SYNPR: variants seen among roughly 807,000 people sequenced by gnomAD.
SYNPR encodes the protein synaptoporin.
A neutral mutation model predicts 32.9 loss-of-function variants in SYNPR; 23 were observed. The ratio of observed to expected loss-of-function variants is 0.70; its 90% CI spans 0.50 to 0.99. The LOEUF (loss-of-function observed/expected upper bound fraction) is 0.99, where lower values mean the gene tolerates loss of function less well. Among genes scored for constraint, SYNPR ranks in the 50% least tolerant of loss-of-function variants. The pLI is 0.00. For missense variants in SYNPR, 318 were observed against 349.3 expected, an observed-to-expected ratio of 0.91 and a Z score of 0.71; for synonymous variants, 146 against 135.9, an observed-to-expected ratio of 1.07 and a Z score of -0.52.
At chr3:63,432,997 A>G (rs1297786256) in intron 2 of SYNPR, among the ~76,000 whole-genome samples, 2 of 152,334 alleles carry the variant, frequency 1.3e-5, no homozygotes, top group South Asian at 2.1e-4. Flanking sequence ...CTGATAATCC[A>G]CGTTCTTTTA....
At chr3:63,470,104 C>T (rs932640486) in intron 2 of SYNPR, among the ~76,000 whole-genome samples, 8 of 152,202 alleles carry the variant, frequency 5.3e-5, no homozygotes, top group Admixed American at 4.6e-4. Flanking sequence ...CTGACTCTAA[C>T]TTCTACTCCT....
intron 3 of SYNPR, among the ~76,000 whole-genome samples, chr3:63,484,747 C>T (rs1701113064): frequency 6.6e-6 from 1 of 152,120 alleles, no homozygotes; most frequent in South Asian, 2.1e-4. Context: ...GTTGACATCA[C>T]ACAGAAATTA....
At chr3:63,371,378 T>G (rs2087810524) in intron 2 of SYNPR, among the ~76,000 whole-genome samples, 1 of 151,694 alleles carries the variant, frequency 6.6e-6, no homozygotes, top group African/African-American at 2.4e-5. Flanking sequence ...GTGGGGGAGG[T>G]CAGGCTCCCT....
rs144543339 is a variant in SYNPR, at chr3:63,496,903, G to A, written c.209+15947G>A. ...AGTATGGTACCAGGCACTATGCTTG[G>A]CAATGAAGGGAATTTAAAAATGAAA... On this transcript the variant is annotated intron_variant, in intron 3 of 5. Transcript: ENST00000478300. 9.2e-5 allele frequency among the ~76,000 whole-genome samples: 14 copies of A among 152,156 alleles called. No homozygotes were observed. In the East Asian group the frequency reaches 2.5e-3, roughly 27 times the overall value.
chr3:63,259,829 C>T lies in SYNPR; in HGVS notation n.154+7243C>T, dbSNP rs193290102. Among the ~76,000 whole-genome samples, 594 of 152,262 alleles carry T rather than the reference C, an allele frequency of 3.9e-3. 3 individuals carry two copies. The highest frequency in any genetic ancestry group is 6.7e-3 in the Non-Finnish European group (459 of 68,014). On this transcript the variant is annotated intron_variant and non_coding_transcript_variant, in intron 2 of 4. Coordinates refer to the SYNPR transcript ENST00000478456. ...TGATTGTATATCTAGAAAACCCCAT[C>T]GTCTCAGCCCAGAATCTCCTTAAGG...
intron 1 of SYNPR, among the ~76,000 whole-genome samples, chr3:63,233,769 T>G (rs1560163881): frequency 6.6e-6 from 1 of 152,202 alleles, no homozygotes; most frequent in Non-Finnish European, 1.5e-5. Context: ...TAAGCCACTT[T>G]CCTCAAGTCA....
chr3:63,489,946 CG>C (rs1701228963), intron 3 of SYNPR, among the ~76,000 whole-genome samples: 1 of 152,014 alleles, frequency 6.6e-6, no homozygotes. Flanking sequence ...CTAAGTGGAG[CG>C]GGGAGTGACA....
intron 2 of SYNPR, among the ~76,000 whole-genome samples, chr3:63,470,920 C>T (rs923620163): frequency 2.0e-5 from 3 of 152,192 alleles, no homozygotes; most frequent in African/African-American, 4.8e-5. Context: ...TTGTTTAAGG[C>T]CCCGTAGGTC....
intron 2 of SYNPR, among the ~76,000 whole-genome samples, chr3:63,361,015 G>C (rs952488236): frequency 1.3e-5 from 2 of 152,146 alleles, no homozygotes; most frequent in African/African-American, 4.8e-5. Flanking sequence ...ATGGACAATC[G>C]ATAAATATCG....
At chr3:63,516,326 C>T (rs543465146) in intron 3 of SYNPR, among the ~76,000 whole-genome samples, 15 of 152,126 alleles carry the variant, frequency 9.9e-5, no homozygotes, top group South Asian at 6.2e-4. Context: ...TTTGGAAATG[C>T]CAAAGTTGGA....
intron 2 of SYNPR, among the ~76,000 whole-genome samples, chr3:63,388,991 T>C (rs2088094590): frequency 6.6e-6 from 1 of 152,180 alleles, no homozygotes; most frequent in South Asian, 2.1e-4. Context: ...GGACTCTGCA[T>C]AAGGAGATTT....
At chr3:63,519,488 C>G (rs1701865720) in intron 3 of SYNPR, among the ~76,000 whole-genome samples, 2 of 152,128 alleles carry the variant, frequency 1.3e-5, no homozygotes, top group Non-Finnish European at 2.9e-5. Flanking sequence ...CAGAGCTTGC[C>G]CATAGCTGTG....
intron 2 of SYNPR, among the ~76,000 whole-genome samples, chr3:63,359,340 A>G (rs907456830): frequency 5.3e-5 from 8 of 152,240 alleles, no homozygotes; most frequent in African/African-American, 1.9e-4. Context: ...CACTCACAGA[A>G]TAACAGCTTC....
chr3:63,354,682 C>T (rs1441762981), intron 2 of SYNPR, among the ~76,000 whole-genome samples: 1 of 152,184 alleles, frequency 6.6e-6, no homozygotes, highest in African/African-American at 2.4e-5. Context: ...ATGTTGTGTT[C>T]TTACAAAGAC....
chr3:63,287,813 G>A (rs2086700024), intron 2 of SYNPR, among the ~76,000 whole-genome samples: 1 of 152,168 alleles, frequency 6.6e-6, no homozygotes, highest in South Asian at 2.1e-4. Context: ...AGGAGAGTAA[G>A]TCACATAGGC....
At chr3:63,384,224 T>A (rs2088012126) in intron 2 of SYNPR, among the ~76,000 whole-genome samples, 1 of 152,240 alleles carries the variant, frequency 6.6e-6, no homozygotes, top group Non-Finnish European at 1.5e-5. Context: ...AAACATTTTA[T>A]TGCAACACTA....
At chr3:63,441,490 C>T (rs1464535440) in intron 2 of SYNPR, among the ~76,000 whole-genome samples, 1 of 152,208 alleles carries the variant, frequency 6.6e-6, no homozygotes, top group Non-Finnish European at 1.5e-5. Context: ...TGGCCTTCAG[C>T]ACAGAGACAC....
At chr3:63,514,115 C>G (rs916175435) in intron 3 of SYNPR, among the ~76,000 whole-genome samples, 2 of 152,060 alleles carry the variant, frequency 1.3e-5, no homozygotes, top group African/African-American at 4.8e-5. Flanking sequence ...CAGTAAAGCA[C>G]TAAAAAAATT....
intron 3 of SYNPR, among the ~76,000 whole-genome samples, chr3:63,515,864 A>G (rs1701788479): frequency 6.6e-6 from 1 of 152,120 alleles, no homozygotes; most frequent in Non-Finnish European, 1.5e-5. Context: ...TCTGCTGAGC[A>G]TTAAATAACA....
Sources: gnomAD v4.1 joint callset for allele counts (sites outside exome capture counted in the v4.1 genomes callset) on GRCh38, gnomAD v4.1.1 for gene constraint, MANE v1.5 for transcripts, NCBI Gene and HGNC (gene_info 2026-07-23, HGNC 2026-07-21) for gene names.